The following PRSS38 variants were observed in gnomAD, a reference collection of about 807,000 sequenced individuals.
PRSS38 encodes the protein marapsin 2.
A neutral mutation model predicts 26.8 loss-of-function variants in PRSS38; 22 were observed. The ratio of observed to expected loss-of-function variants is 0.82; its 90% CI spans 0.59 to 1.17. The LOEUF is 1.17. PRSS38 is among the 50% of genes most tolerant of loss of function. The pLI, the probability that PRSS38 is intolerant of heterozygous loss-of-function variation, is 0.00. For synonymous variants in PRSS38, 175 were observed against 172.1 expected (o/e 1.02, Z -0.13); for missense variants, 427 against 422.7 (o/e 1.01, Z -0.09).
chr1:227,822,965 G>A (rs1202424921), intron 3 of PRSS38, among the ~76,000 whole-genome samples: 1 of 151,944 alleles, frequency 6.6e-6, no homozygotes, highest in East Asian at 1.9e-4. Flanking sequence ...ATAGATTTAG[G>A]AGGTACAAGT....
At chr1:227,823,305 T>C (rs1665028347) in intron 3 of PRSS38, among the ~76,000 whole-genome samples, 1 of 151,614 alleles carries the variant, frequency 6.6e-6, no homozygotes, top group Non-Finnish European at 1.5e-5. Flanking sequence ...GTGTGTATGA[T>C]ATATATTATT....
chr1:227,819,141 T>C (rs1379911255), intron 3 of PRSS38, among the ~76,000 whole-genome samples: 1 of 152,216 alleles, frequency 6.6e-6, no homozygotes, highest in African/African-American at 2.4e-5. Flanking sequence ...CTATTGCCTT[T>C]TTTATATAAA....
chr1:227,829,256 G>A (rs1485912829), intron 3 of PRSS38, among the ~76,000 whole-genome samples: 1 of 152,110 alleles, frequency 6.6e-6, no homozygotes, highest in Non-Finnish European at 1.5e-5. Context: ...TCCACCAGCA[G>A]TGTATAAGCC....
At chr1:227,825,113 C>T (rs2102676171) in intron 3 of PRSS38, among the ~76,000 whole-genome samples, 2 of 152,290 alleles carry the variant, frequency 1.3e-5, no homozygotes, top group South Asian at 4.1e-4. Flanking sequence ...GTTGCAATTG[C>T]TTTTGGCATT....
chr1:227,825,854 C>T (rs1265027835), intron 3 of PRSS38, among the ~76,000 whole-genome samples: 1 of 152,090 alleles, frequency 6.6e-6, no homozygotes, highest in Non-Finnish European at 1.5e-5. Context: ...ATTGTCTTGG[C>T]TATTCAGGCT....
intron 3 of PRSS38, among the ~76,000 whole-genome samples, chr1:227,840,019 C>T (rs550379913): frequency 3.9e-5 from 6 of 152,274 alleles, no homozygotes; most frequent in Non-Finnish European, 7.3e-5. Context: ...CCCAGAAAAC[C>T]GCAGCCCCTG....
chr1:227,828,318 A>T (rs1665103948), intron 3 of PRSS38, among the ~76,000 whole-genome samples: 1 of 152,152 alleles, frequency 6.6e-6, no homozygotes, highest in Admixed American at 6.5e-5. Flanking sequence ...ACTGTGTGGG[A>T]GTCTAAGTCT....
At chr1:227,828,411 C>T (rs1344985853) in intron 3 of PRSS38, among the ~76,000 whole-genome samples, 1 of 152,136 alleles carries the variant, frequency 6.6e-6, no homozygotes, top group Middle Eastern at 3.2e-3. Context: ...GTTAGCTTTT[C>T]TTGTTGAACC....
chr1:227,820,955 G>A (rs575999425), intron 3 of PRSS38, among the ~76,000 whole-genome samples: 7 of 152,160 alleles, frequency 4.6e-5, no homozygotes, highest in South Asian at 2.1e-4. Context: ...TAATTCATAC[G>A]TTTGTAGAAA....
Position 227,845,760 on chromosome 1 carries a change from C to T in PRSS38, c.726+148C>T, listed in dbSNP as rs528888487. ...AGGGCGATGTATGACAATGTGTGAA[C>T]GCCGCATGCCTGCAGCAGGCCTCCC... On this transcript the variant is annotated intron_variant, in intron 4 of 4. Transcript: ENST00000366757. The T allele has an allele frequency of 8.2e-4, 973 of 1,193,338 alleles. 5 individuals carry two copies. The highest frequency in any genetic ancestry group is 1.3e-3 in the South Asian group (88 of 69,574). The allele number at this position is 1,193,338 out of a possible 1,614,324, so 73.9% of individuals were successfully genotyped here.
At chr1:227,828,817 T>C (rs970234998) in intron 3 of PRSS38, among the ~76,000 whole-genome samples, 1 of 152,080 alleles carries the variant, frequency 6.6e-6, no homozygotes, top group Non-Finnish European at 1.5e-5. Flanking sequence ...GGCCAGAGTA[T>C]ACAAAACTCC....
chr1:227,828,798 G>A (rs1257533908), intron 3 of PRSS38, among the ~76,000 whole-genome samples: 4 of 152,148 alleles, frequency 2.6e-5, no homozygotes, highest in Non-Finnish European at 5.9e-5. Flanking sequence ...ACCTTGCTGG[G>A]AATCCTGGGG....
rs753453923 is a variant in PRSS38, at chr1:227,816,224, G to A, written c.283G>A (p.Val95Met). Reference sequence around the variant, plus strand: ...CGGCTCCATCCTCAATGAGTACTGGGTGCTGTCAGCTGCGCACTGCTTTCA... The same window carrying A: ...CGGCTCCATCCTCAATGAGTACTGGATGCTGTCAGCTGCGCACTGCTTTCA... Residue 95 changes from valine to methionine, a missense_variant, in exon 2 of 5, where the codon GTG becomes ATG. Physicochemically the swap from Val to Met is conservative, Grantham distance 21. Transcript: ENST00000366757. The surrounding 1 kb of genome is among the most constrained non-coding windows in gnomAD (Gnocchi z 5.1). 5.6e-6 allele frequency: 9 copies of A among 1,613,288 alleles called. No homozygotes were observed. The highest frequency in any genetic ancestry group is 1.6e-4 in the Middle Eastern group (1 of 6,078).
At chr1:227,815,806 C>G in exon 1 of PRSS38, 1 of 1,612,354 alleles carries the variant, frequency 6.2e-7, no homozygotes, top group Non-Finnish European at 8.5e-7. Context: ...CTCCCCGGGT[C>G]GCAGCATTGG....
intron 3 of PRSS38, among the ~76,000 whole-genome samples, chr1:227,819,891 C>T (rs1664976334): frequency 6.6e-6 from 1 of 152,012 alleles, no homozygotes; most frequent in Non-Finnish European, 1.5e-5. Flanking sequence ...GAGATTGAGA[C>T]TATCCTGGCC....
chr1:227,836,103 C>CT (rs75326252), intron 3 of PRSS38, among the ~76,000 whole-genome samples: 60 of 146,536 alleles, frequency 4.1e-4, no homozygotes, highest in Admixed American at 5.5e-4. Flanking sequence ...TTGTTTTTTA[C>CT]TTTTTTTTTT....
chr1:227,831,668 T>C (rs1665155423), intron 3 of PRSS38, among the ~76,000 whole-genome samples: 1 of 152,140 alleles, frequency 6.6e-6, no homozygotes, highest in Non-Finnish European at 1.5e-5. Context: ...CTGGCTAACA[T>C]GGTGAAACCT....
chr1:227,823,370 T>G lies in PRSS38; in HGVS notation c.583+5890T>G, dbSNP rs116495150. 5.6e-3 allele frequency among the ~76,000 whole-genome samples: 847 copies of G among 151,956 alleles called. 10 individuals are homozygous for G. Among genetic ancestry groups the G allele is most frequent in the African/African-American group, 0.02 (820 of 41,432 alleles). On this transcript the variant is annotated intron_variant, in intron 3 of 4. Transcript: ENST00000366757. The stretch of plus-strand genomic sequence containing the variant: ...TATACACAAACACACCACATTTTCT[T>G]TATCCAATCATTTGTTGATGGGCAC...
At chr1:227,820,010 ACC>A (rs1376572591) in intron 3 of PRSS38, among the ~76,000 whole-genome samples, 1 of 146,294 alleles carries the variant, frequency 6.8e-6, no homozygotes, top group Non-Finnish European at 1.5e-5. Flanking sequence ...AATCACTTGA[ACC>A]CAGGAGGTGG....
Sources: gnomAD v4.1 joint callset for allele counts (sites outside exome capture counted in the v4.1 genomes callset) on GRCh38, gnomAD v4.1.1 for gene constraint, Gnocchi (gnomAD v3.1) non-coding constraint, MANE v1.5 for transcripts, NCBI Gene and HGNC (gene_info 2026-07-23, HGNC 2026-07-21) for gene names.